The following PIK3CB variants were observed in gnomAD, a reference collection of about 807,000 sequenced individuals.
PIK3CB encodes phosphatidylinositol 4,5-bisphosphate 3-kinase catalytic subunit beta isoform.
PIK3CB carries 39 observed loss-of-function variants against 136.8 expected under a neutral mutation model. That is an observed-to-expected ratio of 0.29 (90% confidence interval 0.22 to 0.37). The LOEUF is 0.37. Ranked by LOEUF, PIK3CB falls within the 10% of genes least tolerant of loss-of-function variation. The pLI is 1.00. For missense variants in PIK3CB, 868 were observed against 1,275.4 expected (o/e 0.68, Z 4.87); for synonymous variants, 428 against 436.6 (o/e 0.98, Z 0.25).
Position 138,801,596 on chromosome 3 carries a change from C to G in PIK3CB, c.-121-5029G>C, listed in dbSNP as rs544981333. On this transcript the variant is annotated intron_variant, in intron 1 of 23. Transcript: ENST00000674063. ...AAATAAAAATAAAAAATTAGCCAGG[C>G]GCGGTAGCTCACACCTGTAATCCCA... Among the ~76,000 whole-genome samples, 5 of 151,846 alleles carry G rather than the reference C, an allele frequency of 3.3e-5. No individual in the cohort carries two copies. In the East Asian group the frequency reaches 9.7e-4, roughly 29 times the overall value.
intron 1 of PIK3CB, among the ~76,000 whole-genome samples, chr3:138,832,816 G>A (rs1378182157): frequency 8.2e-6 from 1 of 122,540 alleles, no homozygotes; most frequent in African/African-American, 3.1e-5. Context: ...GACAACAAAA[G>A]CGAAACTCCG....
chr3:138,726,034 A>C (rs912572620), intron 8 of PIK3CB, among the ~76,000 whole-genome samples: 6 of 152,206 alleles, frequency 3.9e-5, no homozygotes, highest in South Asian at 2.1e-4. Context: ...AGTTTCCATG[A>C]GCCTTCTGTG....
chr3:138,795,185 T>A (rs192250447), intron 2 of PIK3CB, among the ~76,000 whole-genome samples: 90 of 151,080 alleles, frequency 6.0e-4, no homozygotes, highest in African/African-American at 2.0e-3. Flanking sequence ...CCGACCATAG[T>A]GGTGGGTGCC....
Position 138,686,890 on chromosome 3 carries a change from C to T in PIK3CB, c.2136+1985G>A, listed in dbSNP as rs1270305324. Among the ~76,000 whole-genome samples, 7 of 152,160 alleles carry T rather than the reference C, an allele frequency of 4.6e-5. No individual in the cohort carries two copies. In the East Asian group the frequency reaches 1.3e-3, roughly 29 times the overall value. On this transcript the variant is annotated intron_variant, in intron 16 of 23. Transcript: ENST00000674063. The stretch of plus-strand genomic sequence containing the variant: ...AGATGGCTGAAACTTACCAAGTTAG[C>T]CATCTGTTAAAACCACAGATCACTC...
chr3:138,752,915 T>C (rs2108709050), intron 4 of PIK3CB, among the ~76,000 whole-genome samples: 1 of 152,326 alleles, frequency 6.6e-6, no homozygotes, highest in East Asian at 1.9e-4. Context: ...ATTTGCCACA[T>C]TTGGCAGGCA....
intron 1 of PIK3CB, among the ~76,000 whole-genome samples, chr3:138,800,623 C>CTAT (rs761281453): frequency 9.9e-5 from 15 of 151,734 alleles, no homozygotes; most frequent in Non-Finnish European, 1.8e-4. Flanking sequence ...AGCTACAACT[C>CTAT]TATTATTATT....
At chr3:138,781,223 T>A (rs548249607) in intron 2 of PIK3CB, among the ~76,000 whole-genome samples, 1 of 151,752 alleles carries the variant, frequency 6.6e-6, no homozygotes, top group Non-Finnish European at 1.5e-5. Context: ...GCCCAGTAGG[T>A]TGAGGCCATA....
intron 2 of PIK3CB, among the ~76,000 whole-genome samples, chr3:138,773,367 G>A (rs1008527063): frequency 1.3e-5 from 2 of 151,966 alleles, no homozygotes; most frequent in Admixed American, 1.3e-4. Flanking sequence ...CTCCAGCCTG[G>A]GCGATAGAGT....
chr3:138,656,526 A>G (rs1191477635), intron 22 of PIK3CB, among the ~76,000 whole-genome samples: 2 of 152,218 alleles, frequency 1.3e-5, no homozygotes, highest in Admixed American at 1.3e-4. Context: ...CTATGACGAA[A>G]GGCTATTACA....
At chr3:138,813,470 C>T (rs529539694) in intron 1 of PIK3CB, among the ~76,000 whole-genome samples, 7 of 145,782 alleles carry the variant, frequency 4.8e-5, no homozygotes, top group South Asian at 4.3e-4. Context: ...CTTGCTCTGT[C>T]GCCCAGGCTG....
chr3:138,763,974 G>T (rs879297508), intron 2 of PIK3CB, among the ~76,000 whole-genome samples: 4 of 152,046 alleles, frequency 2.6e-5, no homozygotes, highest in African/African-American at 4.8e-5. Flanking sequence ...AGCTGGGCAT[G>T]GAGGCACGCC....
At chr3:138,791,211 C>T (rs542364750) in intron 2 of PIK3CB, among the ~76,000 whole-genome samples, 105 of 151,412 alleles carry the variant, frequency 6.9e-4, no homozygotes, top group Admixed American at 1.2e-3. Flanking sequence ...GGTGCAATCT[C>T]GGCTCACTGC....
At chr3:138,825,647 T>A in intron 1 of PIK3CB, 1 of 639,982 alleles carries the variant, frequency 1.6e-6, no homozygotes. Context: ...CTGGACTGCA[T>A]CCTACCACTA....
intron 16 of PIK3CB, among the ~76,000 whole-genome samples, chr3:138,687,764 A>C (rs764621879): frequency 2.0e-5 from 3 of 152,156 alleles, no homozygotes; most frequent in Non-Finnish European, 4.4e-5. Context: ...CACAGTCTAC[A>C]TTTTTAAAAT....
At chr3:138,785,303 G>A (rs1232097292) in intron 2 of PIK3CB, among the ~76,000 whole-genome samples, 1 of 152,070 alleles carries the variant, frequency 6.6e-6, no homozygotes, top group African/African-American at 2.4e-5. Context: ...CCAGGCCGCC[G>A]CCCTGTCTGG....
chr3:138,691,736 A>G (rs1199790441), intron 14 of PIK3CB, among the ~76,000 whole-genome samples: 1 of 152,160 alleles, frequency 6.6e-6, no homozygotes, highest in African/African-American at 2.4e-5. Flanking sequence ...GTAATTCTTT[A>G]TAATGGTGTG....
intron 2 of PIK3CB, among the ~76,000 whole-genome samples, chr3:138,784,776 C>T (rs2045957296): frequency 6.6e-6 from 1 of 152,218 alleles, no homozygotes; most frequent in South Asian, 2.1e-4. Context: ...TCTCAGCTCG[C>T]TATAACCTCC....
intron 4 of PIK3CB, among the ~76,000 whole-genome samples, chr3:138,750,952 C>T (rs549367342): frequency 6.6e-6 from 1 of 152,292 alleles, no homozygotes; most frequent in East Asian, 1.9e-4. Context: ...CAAGTATAAA[C>T]ACTCAATACT....
intron 8 of PIK3CB, among the ~76,000 whole-genome samples, chr3:138,722,225 C>G (rs1270260140): frequency 2.9e-5 from 1 of 34,306 alleles, no homozygotes; most frequent in Non-Finnish European, 7.2e-5. Flanking sequence ...GTAAGAGACA[C>G]ACACACACAC....
Sources: allele counts gnomAD v4.1 joint callset (sites outside exome capture counted in the v4.1 genomes callset), GRCh38; gene constraint gnomAD v4.1.1; transcripts MANE v1.5; gene names NCBI Gene and HGNC (gene_info 2026-07-23, HGNC 2026-07-21).